The following MAP1B variants were observed in gnomAD, a reference collection of about 807,000 sequenced individuals.
MAP1B encodes microtubule associated protein 1B.
In MAP1B, 12 loss-of-function variants were observed where a neutral mutation model predicts 176.1. The ratio of observed to expected loss-of-function variants is 0.07; its 90% CI spans 0.04 to 0.11. The LOEUF (loss-of-function observed/expected upper bound fraction) is 0.11. Ranked by LOEUF, MAP1B falls within the 10% of genes least tolerant of loss-of-function variation. MAP1B has a pLI of 1.00. For synonymous variants in MAP1B, 1,044 were observed against 1,135.0 expected (o/e 0.92, Z 1.61); for missense variants, 2,523 against 2,990.5 (o/e 0.84, Z 3.65).
In MAP1B at chr5:72,196,889, T is replaced by C. The variant is rs1747185100; in HGVS notation, c.3534T>C (p.Ala1178=). 6.2e-7 allele frequency: 1 copy of C among 1,614,116 alleles called. No homozygotes were observed. Among genetic ancestry groups the C allele is most frequent in the Non-Finnish European group, 8.5e-7 (1 of 1,180,048 alleles). The change falls in exon 5 of 7, where the codon GCT becomes GCC. Residue 1178 remains alanine, a synonymous_variant. Coordinates refer to ENST00000296755, the MANE Select transcript of MAP1B (RefSeq NM_005909.5). The surrounding 1 kb of genome is among the most constrained non-coding windows in gnomAD (Gnocchi z 5.3). Reference sequence around the variant, plus strand: ...ATTCTCAGGAATACTCTAAACCTGCTGATGTTACACCGCTCAACGGATTTT... The same window carrying C: ...ATTCTCAGGAATACTCTAAACCTGCCGATGTTACACCGCTCAACGGATTTT... ...SLYSQEYSKP[A]DVTPLNGFSE...
intron 2 of MAP1B, among the ~76,000 whole-genome samples, chr5:72,172,369 G>GTT (rs1561305645): frequency 6.6e-6 from 1 of 152,206 alleles, no homozygotes; most frequent in Non-Finnish European, 1.5e-5. Context: ...TCTGAGGGAT[G>GTT]GAAATCAGTA....
chr5:72,120,958 C>A (rs1419147689), intron 2 of MAP1B, among the ~76,000 whole-genome samples: 1 of 152,202 alleles, frequency 6.6e-6, no homozygotes, highest in Non-Finnish European at 1.5e-5. Context: ...CTCAGAGAAA[C>A]GACTGCTTTC....
intron 2 of MAP1B, among the ~76,000 whole-genome samples, chr5:72,132,698 C>T (rs567928045): frequency 2.5e-4 from 38 of 152,262 alleles, no homozygotes; most frequent in African/African-American, 8.2e-4. Flanking sequence ...TGTTCTCTGT[C>T]GTTTCATAGT....
At chr5:72,120,082 C>T (rs1745499857) in intron 2 of MAP1B, among the ~76,000 whole-genome samples, 1 of 152,154 alleles carries the variant, frequency 6.6e-6, no homozygotes, top group East Asian at 1.9e-4. Flanking sequence ...AGAAGTGCCC[C>T]ATAATTATCT....
In MAP1B at chr5:72,204,851, C is replaced by T. The variant is rs2111902657; in HGVS notation, c.7252-233C>T. Among the ~76,000 whole-genome samples the T allele has an allele frequency of 6.6e-6, 1 of 152,314 alleles. No homozygotes were observed. Among genetic ancestry groups the T allele is most frequent in the Middle Eastern group, 3.4e-3 (1 of 294 alleles). ...AAAGAACTGAGAAACTGATTAATTGCTTTTTGGTTCCAGCCTTCAGTTTCC... is the reference window on the plus strand; with the variant it reads ...AAAGAACTGAGAAACTGATTAATTGTTTTTTGGTTCCAGCCTTCAGTTTCC... On this transcript the variant is annotated intron_variant, in intron 6 of 6. Coordinates refer to ENST00000296755, the MANE Select transcript of MAP1B (RefSeq NM_005909.5). This position sits in a 1 kb window ranked among gnomAD's most constrained non-coding sequence, Gnocchi z 4.4.
At chr5:72,109,917 G>A (rs905506870) in intron 1 of MAP1B, among the ~76,000 whole-genome samples, 1 of 152,104 alleles carries the variant, frequency 6.6e-6, no homozygotes, top group African/African-American at 2.4e-5. Flanking sequence ...TCCTTTCAGC[G>A]CCCTATTCCT....
Position 72,167,322 on chromosome 5 carries a change from A to G in MAP1B, c.287-16421A>G, listed in dbSNP as rs192676720. Among the ~76,000 whole-genome samples, 20 of 152,344 alleles carry G rather than the reference A, an allele frequency of 1.3e-4. No homozygotes were observed. The East Asian group carries it at 3.7e-3, about 28-fold the overall frequency. Reference sequence around the variant, plus strand: ...ACAAGAAGCAAAAATTTTACCCCCAAGGACTAGAAAGTTAGCAAGTTAAGT... The same window carrying G: ...ACAAGAAGCAAAAATTTTACCCCCAGGGACTAGAAAGTTAGCAAGTTAAGT... On this transcript the variant is annotated intron_variant, in intron 2 of 6. Coordinates refer to ENST00000296755, the MANE Select transcript of MAP1B (RefSeq NM_005909.5).
At chr5:72,183,514 G>C (rs1303162431) in intron 2 of MAP1B, among the ~76,000 whole-genome samples, 1 of 152,232 alleles carries the variant, frequency 6.6e-6, no homozygotes, top group Non-Finnish European at 1.5e-5. Context: ...GAGTGTGAGA[G>C]CGGGAGGAGC....
intron 4 of MAP1B, among the ~76,000 whole-genome samples, chr5:72,188,432 C>G (rs1746960259): frequency 1.3e-5 from 2 of 152,200 alleles, no homozygotes. Flanking sequence ...TTTCCACATT[C>G]CTGTGCAGTT....
chr5:72,179,547 G>A (rs1409848869), intron 2 of MAP1B: 7 of 904,388 alleles, frequency 7.7e-6, no homozygotes, highest in South Asian at 5.1e-5. Flanking sequence ...CTGAGAACCC[G>A]CCCGCCTGCC....
chr5:72,160,795 A>G (rs2099643), intron 2 of MAP1B, among the ~76,000 whole-genome samples: 97,232 of 151,994 alleles, frequency 0.64, 32,625 homozygotes, highest in South Asian at 0.85. Flanking sequence ...GTGATTTGCT[A>G]CAGGCTTCTT....
At chr5:72,172,424 C>A (rs1561305674) in intron 2 of MAP1B, among the ~76,000 whole-genome samples, 1 of 151,206 alleles carries the variant, frequency 6.6e-6, no homozygotes, top group African/African-American at 2.4e-5. Context: ...TGCATTTTTT[C>A]TTTTTTTTTG....
At chr5:72,114,093 G>A (rs1399239285) in intron 1 of MAP1B, among the ~76,000 whole-genome samples, 11 of 152,118 alleles carry the variant, frequency 7.2e-5, no homozygotes, top group Non-Finnish European at 2.9e-5. Flanking sequence ...TTGATCATAT[G>A]AGAAATTTCT....
intron 2 of MAP1B, among the ~76,000 whole-genome samples, chr5:72,126,530 A>T (rs1481436951): frequency 6.6e-6 from 1 of 152,178 alleles, no homozygotes; most frequent in Non-Finnish European, 1.5e-5. Context: ...ACTCTCTCCC[A>T]TGGATCTAGA....
At chr5:72,189,618 C>T (rs1746983248) in intron 4 of MAP1B, among the ~76,000 whole-genome samples, 1 of 151,790 alleles carries the variant, frequency 6.6e-6, no homozygotes, top group South Asian at 2.1e-4. Context: ...TCACGTGCGG[C>T]TAGGAGTTCT....
In MAP1B at chr5:72,207,914, T is replaced by A. The variant is rs529466056; in HGVS notation, c.*2675T>A. On this transcript the variant is annotated 3_prime_UTR_variant, in exon 7 of 7. Transcript: ENST00000296755. ...AACATTGTAGGAGAATTATAGCCAG[T>A]CTTCAGTTATAACCACTCCACCCTC... 2.0e-5 allele frequency: 3 copies of A among 151,822 alleles called. No homozygotes were observed. The South Asian group carries it at 6.3e-4, about 32-fold the overall frequency. 9.4% of individuals were successfully genotyped at this position (151,822 alleles called of 1,614,324 possible).
At chr5:72,120,465 C>G (rs1561290724) in intron 2 of MAP1B, among the ~76,000 whole-genome samples, 1 of 149,432 alleles carries the variant, frequency 6.7e-6, no homozygotes, top group East Asian at 2.0e-4. Flanking sequence ...TGCTCTGTTG[C>G]CCAGGCTGGA....
At chr5:72,115,149 C>T (rs1745409797) in intron 1 of MAP1B, among the ~76,000 whole-genome samples, 1 of 152,124 alleles carries the variant, frequency 6.6e-6, no homozygotes, top group African/African-American at 2.4e-5. Flanking sequence ...ATATCCAGGG[C>T]TCGATAAACC....
chr5:72,143,186 C>A (rs1398117703), intron 2 of MAP1B, among the ~76,000 whole-genome samples: 1 of 152,066 alleles, frequency 6.6e-6, no homozygotes, highest in Non-Finnish European at 1.5e-5. Flanking sequence ...TATCAGGATT[C>A]CCAGAGAAGA....
Sources: allele counts gnomAD v4.1 joint callset (sites outside exome capture counted in the v4.1 genomes callset), GRCh38; gene constraint gnomAD v4.1.1; non-coding constraint Gnocchi (gnomAD v3.1); transcripts MANE v1.5; gene names NCBI Gene and HGNC (gene_info 2026-07-23, HGNC 2026-07-21).